Variants in STAU2 observed in about 807,000 individuals in gnomAD.
STAU2 encodes the protein double-stranded RNA-binding protein Staufen homolog 2.
Under a neutral mutation model 65.9 loss-of-function variants are expected in STAU2, and 20 were observed. The ratio of observed to expected loss-of-function variants is 0.30; its 90% CI spans 0.21 to 0.44. The LOEUF is 0.44. Ranked by LOEUF, STAU2 falls within the 20% of genes least tolerant of loss-of-function variation. The pLI is 1.00. For missense variants in STAU2, 558 were observed against 683.9 expected, an observed-to-expected ratio of 0.82 and a Z score of 2.05; for synonymous variants, 232 against 233.9, an observed-to-expected ratio of 0.99 and a Z score of 0.07.
At chr8:73,564,043 C>G (rs1379354143) in intron 12 of STAU2, among the ~76,000 whole-genome samples, 3 of 152,332 alleles carry the variant, frequency 2.0e-5, no homozygotes, top group Non-Finnish European at 2.9e-5. Flanking sequence ...ACACCACCCC[C>G]CTAAGTCAGC....
intron 6 of STAU2, 113 bp from the exon 7 acceptor site, chr8:73,617,564 A>G: frequency 9.6e-7 from 1 of 1,040,002 alleles, no homozygotes; most frequent in African/African-American, 1.6e-5. Context: ...CTCTTAATAA[A>G]ACTTTAACCT....
chr8:73,708,222 C>T (rs1467833496), intron 4 of STAU2, among the ~76,000 whole-genome samples: 2 of 152,072 alleles, frequency 1.3e-5, no homozygotes, highest in Non-Finnish European at 2.9e-5. Context: ...TAGGAGATGC[C>T]AGGATGCAAA....
rs567394724 is a variant in STAU2, at chr8:73,493,412, T to C, written c.1530+58600A>G. Among the ~76,000 whole-genome samples, 11 of 151,842 alleles carry C rather than the reference T, an allele frequency of 7.2e-5. No homozygotes were observed. The East Asian group carries it at 1.9e-3, about 27-fold the overall frequency. On this transcript the variant is annotated intron_variant, in intron 13 of 14. Coordinates refer to ENST00000524300, the MANE Select transcript of STAU2 (RefSeq NM_001164380.2). ...ATATATGACAAGGGTTTGGATAAGA[T>C]ATATAAAGAAATATAACTTAATAAT...
intron 6 of STAU2, among the ~76,000 whole-genome samples, chr8:73,647,291 A>C (rs750536514): frequency 2.6e-5 from 4 of 152,260 alleles, no homozygotes; most frequent in Admixed American, 6.5e-5. Flanking sequence ...TATTCACAGC[A>C]GCTTTATATG....
At chr8:73,595,524 G>C (rs544682572) in intron 10 of STAU2, among the ~76,000 whole-genome samples, 153 of 152,140 alleles carry the variant, frequency 1.0e-3, no homozygotes, top group African/African-American at 3.6e-3. Flanking sequence ...GAATTTTATA[G>C]AATTTTTACT....
At chr8:73,500,977 T>C (rs530498026) in intron 13 of STAU2, among the ~76,000 whole-genome samples, 83 of 152,026 alleles carry the variant, frequency 5.5e-4, no homozygotes, top group African/African-American at 1.9e-3. Flanking sequence ...AAATGTTTTA[T>C]TATAACAGCA....
At position 73,485,141 on chromosome 8, in the gene STAU2, C is replaced by CTT. The variant is rs10524978; in HGVS notation, c.1531-62441_1531-62440dup. On this transcript the variant is annotated intron_variant, in intron 13 of 14. Coordinates refer to ENST00000524300, the MANE Select transcript of STAU2 (RefSeq NM_001164380.2). Reference sequence around the variant, plus strand: ...TTACCCTGAGAACTACATCCTTACTCTTTTTTTTTTTTTTTTTTTTTTTTT... The same window carrying CTT: ...TTACCCTGAGAACTACATCCTTACTCTTTTTTTTTTTTTTTTTTTTTTTTTTT... 2.5e-3 allele frequency among the ~76,000 whole-genome samples: 209 copies of CTT among 82,850 alleles called. 11 individuals are homozygous for CTT. The highest frequency in any genetic ancestry group is 8.2e-3 in the Middle Eastern group (1 of 122). The allele number at this position is 82,850 out of a possible 152,430, so 54.4% of individuals were successfully genotyped here.
chr8:73,745,542 A>G (rs1405535759), intron 1 of STAU2, among the ~76,000 whole-genome samples: 1 of 152,258 alleles, frequency 6.6e-6, no homozygotes, highest in African/African-American at 2.4e-5. Context: ...TCAGAAGCCA[A>G]GTAATGCTCA....
chr8:73,557,020 T>G (rs1349983180), intron 12 of STAU2, among the ~76,000 whole-genome samples: 3 of 151,818 alleles, frequency 2.0e-5, no homozygotes, highest in Non-Finnish European at 2.9e-5. Flanking sequence ...ATTATATATA[T>G]TTTAGTTTAA....
At chr8:73,558,763 T>C (rs892820737) in intron 12 of STAU2, among the ~76,000 whole-genome samples, 5 of 151,896 alleles carry the variant, frequency 3.3e-5, no homozygotes, top group African/African-American at 9.7e-5. Flanking sequence ...GGAATGGGCA[T>C]AGCTATTTCA....
chr8:73,682,757 A>T lies in STAU2; in HGVS notation c.274+5897T>A, dbSNP rs573987458. On this transcript the variant is annotated intron_variant, in intron 5 of 14. Coordinates refer to ENST00000524300, the MANE Select transcript of STAU2 (RefSeq NM_001164380.2). ...AAAAAGAAGACAGAAGATCCAAATAAGCTCAATTAGAAACAAACAGGAGAT... is the reference window on the plus strand; with the variant it reads ...AAAAAGAAGACAGAAGATCCAAATATGCTCAATTAGAAACAAACAGGAGAT... Among the ~76,000 whole-genome samples, 19 of 152,292 alleles carry T rather than the reference A, an allele frequency of 1.2e-4. No homozygotes were observed. The South Asian group carries it at 3.5e-3, about 28-fold the overall frequency.
intron 3 of STAU2, among the ~76,000 whole-genome samples, chr8:73,719,584 T>G (rs931210478): frequency 1.3e-5 from 2 of 152,268 alleles, no homozygotes; most frequent in Admixed American, 1.3e-4. Flanking sequence ...ATGTGATTTT[T>G]GCTTTTTAGT....
intron 13 of STAU2, among the ~76,000 whole-genome samples, chr8:73,464,628 C>A (rs1463262947): frequency 6.6e-6 from 1 of 150,726 alleles, no homozygotes; most frequent in African/African-American, 2.4e-5. Flanking sequence ...ACACACACTG[C>A]AGCCTTAATA....
chr8:73,665,188 A>T (rs1817140862), intron 6 of STAU2, among the ~76,000 whole-genome samples: 1 of 152,084 alleles, frequency 6.6e-6, no homozygotes, highest in Non-Finnish European at 1.5e-5. Context: ...CTAATTTAAC[A>T]TTAATGTTAA....
intron 13 of STAU2, among the ~76,000 whole-genome samples, chr8:73,486,024 A>C (rs906744454): frequency 5.3e-5 from 8 of 152,146 alleles, no homozygotes; most frequent in African/African-American, 7.2e-5. Flanking sequence ...TATACTCTTC[A>C]GGGTCTTGGC....
intron 12 of STAU2, among the ~76,000 whole-genome samples, chr8:73,567,206 CTTT>C (rs754672878): frequency 5.9e-5 from 9 of 152,072 alleles, no homozygotes; most frequent in Non-Finnish European, 1.3e-4. Context: ...ATGTGATTTA[CTTT>C]TTAAGATTAA....
At chr8:73,617,569 T>A in intron 6 of STAU2, 118 bp from the exon 7 acceptor site, 1 of 1,005,456 alleles carries the variant, frequency 9.9e-7, no homozygotes, top group African/African-American at 1.6e-5. Context: ...AATAAAACTT[T>A]AACCTCAAAA....
At chr8:73,621,325 C>CTG (rs1194837498) in intron 6 of STAU2, among the ~76,000 whole-genome samples, 1 of 152,106 alleles carries the variant, frequency 6.6e-6, no homozygotes, top group African/African-American at 2.4e-5. Flanking sequence ...TCCTGCTGTC[C>CTG]TGTGAAGAGG....
At chr8:73,604,160 T>C (rs543286107) in intron 9 of STAU2, among the ~76,000 whole-genome samples, 1 of 151,840 alleles carries the variant, frequency 6.6e-6, no homozygotes, top group Non-Finnish European at 1.5e-5. Context: ...TCAAGAAACA[T>C]CAAAAAGAAC....
Sources: gnomAD v4.1 joint callset for allele counts (sites outside exome capture counted in the v4.1 genomes callset) on GRCh38, gnomAD v4.1.1 for gene constraint, MANE v1.5 for transcripts, NCBI Gene and HGNC (gene_info 2026-07-23, HGNC 2026-07-21) for gene names.